CNTN6: variants seen among roughly 807,000 people sequenced by gnomAD.
The protein encoded by CNTN6 is contactin 6, also known as contactin-6.
CNTN6 carries 137 observed loss-of-function variants against 122.8 expected under a neutral mutation model. The observed-to-expected ratio is 1.12, with a 90% CI of 0.97 to 1.29. The LOEUF (loss-of-function observed/expected upper bound fraction) is 1.29, where lower values mean the gene tolerates loss of function less well. Among genes scored for constraint, CNTN6 ranks in the 50% most tolerant of loss-of-function variants. The probability of loss-of-function intolerance (pLI) is 0.00; values close to 1 mark genes in which losing one functional copy is unlikely to be tolerated. For missense variants in CNTN6, 1,634 were observed against 1,223.4 expected (o/e 1.34, Z -5.01); for synonymous variants, 570 against 426.0 (o/e 1.34, Z -4.16).
chr3:1,375,112 G>A (rs1368784094), intron 16 of CNTN6, among the ~76,000 whole-genome samples: 1 of 152,012 alleles, frequency 6.6e-6, no homozygotes, highest in Non-Finnish European at 1.5e-5. Context: ...GCCAAAGAAA[G>A]TGTGTAAATA....
rs552459957 is a variant in CNTN6 at position 1,389,787 on chromosome 3, C to A, written c.2704+3990C>A. ...AGTCTCTGATAAAACAGACTTTAAA[C>A]CAACAAAGATCAAAAGAGACAAAGA... On this transcript the variant is annotated intron_variant, in intron 20 of 22. Transcript: ENST00000446702. Among the ~76,000 whole-genome samples the A allele has an allele frequency of 2.5e-3, 381 of 150,116 alleles. 2 individuals carry two copies. The highest frequency in any genetic ancestry group is 8.9e-3 in the African/African-American group (362 of 40,702).
chr3:1,392,850 CAATG>C (rs925459665), intron 20 of CNTN6, among the ~76,000 whole-genome samples: 8 of 133,936 alleles, frequency 6.0e-5, no homozygotes, highest in African/African-American at 2.2e-4. Flanking sequence ...ATCAAAACCA[CAATG>C]AGATACCATC....
chr3:1,369,602 A>C (rs893886160), intron 12 of CNTN6, among the ~76,000 whole-genome samples: 1 of 152,156 alleles, frequency 6.6e-6, no homozygotes, highest in East Asian at 1.9e-4. Context: ...TAATTTGTCC[A>C]ACTTTGCCAC....
chr3:1,361,366 T>A (rs991710340), intron 12 of CNTN6, among the ~76,000 whole-genome samples: 1 of 152,148 alleles, frequency 6.6e-6, no homozygotes, highest in Non-Finnish European at 1.5e-5. Flanking sequence ...CTCTTAGGAC[T>A]GAAATCTTCT....
chr3:1,386,631 T>TTACTAATAA (rs1559998796), intron 20 of CNTN6, among the ~76,000 whole-genome samples: 125 of 152,094 alleles, frequency 8.2e-4, no homozygotes, highest in South Asian at 6.4e-3. Context: ...TTGAATAATA[T>TTACTAATAA]TTACATATTC....
At position 1,384,013 on chromosome 3, in the gene CNTN6, C is replaced by A. The variant is rs569349061; in HGVS notation, c.2517+605C>A. 2.6e-5 allele frequency among the ~76,000 whole-genome samples: 4 copies of A among 151,720 alleles called. No homozygotes were observed. In the South Asian group the frequency reaches 8.3e-4, roughly 32 times the overall value. On this transcript the variant is annotated intron_variant, in intron 19 of 22. Coordinates refer to ENST00000446702, the MANE Select transcript of CNTN6 (RefSeq NM_001289080.2). Reference sequence around the variant, plus strand: ...TCTTCAATCTGGTCCACAGTAAAGTCCTGCCTCCTCCCTCAAAGTAAGGGA... The same window carrying A: ...TCTTCAATCTGGTCCACAGTAAAGTACTGCCTCCTCCCTCAAAGTAAGGGA...
chr3:1,154,253 G>A (rs1181448804), intron 2 of CNTN6, among the ~76,000 whole-genome samples: 1 of 152,068 alleles, frequency 6.6e-6, no homozygotes, highest in Non-Finnish European at 1.5e-5. Flanking sequence ...CATACTATAG[G>A]AAATGTAGGC....
At chr3:1,286,585 A>T (rs1230641593) in intron 5 of CNTN6, among the ~76,000 whole-genome samples, 1 of 152,200 alleles carries the variant, frequency 6.6e-6, no homozygotes, top group African/African-American at 2.4e-5. Context: ...ATTTTAAAGA[A>T]AATGTGACAG....
intron 12 of CNTN6, 71 bp from the exon 13 acceptor site, chr3:1,372,228 C>A: frequency 2.5e-6 from 3 of 1,191,284 alleles, no homozygotes; most frequent in South Asian, 1.7e-5. Context: ...ATAAAGTATT[C>A]AGAAATATGT....
intron 8 of CNTN6, among the ~76,000 whole-genome samples, chr3:1,325,241 A>G (rs1474804595): frequency 2.0e-5 from 3 of 151,858 alleles, no homozygotes; most frequent in African/African-American, 7.2e-5. Flanking sequence ...TAAGATACTG[A>G]ACCTGTATAA....
intron 10 of CNTN6, among the ~76,000 whole-genome samples, chr3:1,328,187 A>C (rs1029394842): frequency 4.6e-5 from 7 of 151,836 alleles, no homozygotes; most frequent in Non-Finnish European, 8.8e-5. Context: ...TTTTTATGTC[A>C]TTAACTAGAG....
At chr3:1,236,890 C>T (rs984479165) in intron 4 of CNTN6, among the ~76,000 whole-genome samples, 1 of 152,048 alleles carries the variant, frequency 6.6e-6, no homozygotes, top group African/African-American at 2.4e-5. Flanking sequence ...ACCATCCTGG[C>T]TAACATGGTG....
intron 3 of CNTN6, among the ~76,000 whole-genome samples, chr3:1,222,508 A>T (rs2094220907): frequency 6.6e-6 from 1 of 152,160 alleles, no homozygotes; most frequent in African/African-American, 2.4e-5. Flanking sequence ...ATTGGCTTTT[A>T]ACAGTTAGAA....
chr3:1,292,204 A>G (rs1324899936), intron 5 of CNTN6, among the ~76,000 whole-genome samples: 1 of 152,130 alleles, frequency 6.6e-6, no homozygotes, highest in African/African-American at 2.4e-5. Context: ...CACGAGTCCT[A>G]CTTTTGCCTT....
At chr3:1,264,340 A>G (rs2094893507) in intron 4 of CNTN6, among the ~76,000 whole-genome samples, 1 of 152,166 alleles carries the variant, frequency 6.6e-6, no homozygotes, top group Non-Finnish European at 1.5e-5. Context: ...TAGTGAACAA[A>G]CTCTACATTT....
At chr3:1,319,076 A>G (rs1700496385) in intron 7 of CNTN6, among the ~76,000 whole-genome samples, 1 of 151,744 alleles carries the variant, frequency 6.6e-6, no homozygotes. Context: ...TTCTTTGGAC[A>G]AGGTGGAATT....
chr3:1,182,343 C>T (rs1429573412), intron 2 of CNTN6, among the ~76,000 whole-genome samples: 1 of 152,168 alleles, frequency 6.6e-6, no homozygotes, highest in Non-Finnish European at 1.5e-5. Context: ...AGGTAGCTGA[C>T]TTTCCACAGA....
intron 1 of CNTN6, among the ~76,000 whole-genome samples, chr3:1,131,208 CA>C (rs990369837): frequency 6.6e-6 from 1 of 152,062 alleles, no homozygotes; most frequent in African/African-American, 2.4e-5. Flanking sequence ...CGATGATATT[CA>C]TCCTGGAAAT....
intron 7 of CNTN6, among the ~76,000 whole-genome samples, chr3:1,304,821 CTTA>C (rs1698068497): frequency 6.6e-6 from 1 of 151,558 alleles, no homozygotes; most frequent in African/African-American, 2.4e-5. Context: ...GTGAAACCCC[CTTA>C]TCTACAAAAA....
Sources: allele counts gnomAD v4.1 joint callset (sites outside exome capture counted in the v4.1 genomes callset), GRCh38; gene constraint gnomAD v4.1.1; transcripts MANE v1.5; gene names NCBI Gene and HGNC (gene_info 2026-07-23, HGNC 2026-07-21).